The following TTN variants were observed in gnomAD, a reference collection of about 807,000 sequenced individuals.
The protein encoded by TTN is connectin.
A neutral mutation model predicts 3,223.0 loss-of-function variants in TTN; 1,525 were observed. The observed-to-expected ratio is 0.47, with a 90% CI of 0.45 to 0.49. The LOEUF (loss-of-function observed/expected upper bound fraction) is 0.49, where lower values mean the gene tolerates loss of function less well. Among genes scored for constraint, TTN ranks in the 20% least tolerant of loss-of-function variants. The pLI is 0.00. For synonymous variants in TTN, 14,094 were observed against 15,161.0 expected (o/e 0.93, Z 5.17); for missense variants, 40,786 against 43,424.0 (o/e 0.94, Z 5.40).
intron 242 of TTN, among the ~76,000 whole-genome samples, chr2:178,624,041 T>C (rs2058679803): frequency 6.6e-6 from 1 of 151,958 alleles, no homozygotes; most frequent in Non-Finnish European, 1.5e-5. Flanking sequence ...GCTCATTTTC[T>C]AGTTGTTCCC....
chr2:178,678,713 A>G, intron 143 of TTN, 34 bp downstream of exon 143: 2 of 1,587,466 alleles, frequency 1.3e-6, no homozygotes, highest in East Asian at 4.5e-5. Flanking sequence ...GCAAATGTGA[A>G]ATAAAAATAT....
At position 178,550,255 on chromosome 2, in the gene TTN, A is replaced by G; in HGVS notation, c.91583T>C (p.Phe30528Ser). Residue 30528 changes from phenylalanine (F) to serine (S), a missense_variant, in exon 337 of 363, where the codon TTT becomes TCT. Phe to Ser is a radical substitution (Grantham distance 155, BLOSUM62 -2). Transcript: ENST00000589042. ...RDENVPPIVEFGPEYFDGLII... is the reference protein window; with the variant it reads ...RDENVPPIVESGPEYFDGLII... ...GAGACCATCAAAGTATTCAGGGCCA[A>G]ACTCTACTATTGGTGGAACTATAAA... 1.2e-6 allele frequency: 2 copies of G among 1,611,810 alleles called. No homozygotes were observed. Among genetic ancestry groups the G allele is most frequent in the Non-Finnish European group, 1.7e-6 (2 of 1,178,636 alleles).
At chr2:178,730,895 C>T (rs758878470) in intron 60 of TTN, 30 bp downstream of exon 60, 4 of 1,551,950 alleles carry the variant, frequency 2.6e-6, no homozygotes, top group African/African-American at 1.4e-5. Context: ...TGGAAATGCC[C>T]AATCCTCTCT....
chr2:178,702,125 G>T (rs1279194305), intron 108 of TTN, 43 bp downstream of exon 108: 1 of 1,613,312 alleles, frequency 6.2e-7, no homozygotes, highest in Non-Finnish European at 8.5e-7. Context: ...TAGGCTACGT[G>T]TTTCGAAGAT....
At chr2:178,698,309 T>G (rs2074091872) in intron 112 of TTN, among the ~76,000 whole-genome samples, 1 of 152,194 alleles carries the variant, frequency 6.6e-6, no homozygotes, top group Admixed American at 6.5e-5. Flanking sequence ...TGAGATCTGT[T>G]GCACAGAGTG....
At position 178,566,631 on chromosome 2, in the gene TTN, T is replaced by C. The variant is rs1310766903; in HGVS notation, c.79501A>G (p.Lys26501Glu). The C allele has an allele frequency of 6.2e-7, 1 of 1,612,634 alleles. No individual in the cohort carries two copies. The highest frequency in any genetic ancestry group is 8.5e-7 in the Non-Finnish European group (1 of 1,179,682). The change falls in exon 326 of 363, where the codon AAA becomes GAA. Residue 26501 changes from lysine to glutamate, a missense_variant. Coordinates refer to ENST00000589042, the MANE Select transcript of TTN (RefSeq NM_001267550.2). ...CCCCAGGCAAGTGTGATTGAATTTTTAGTGGTGTCTACAATGTGTGCATTG... is the reference window on the plus strand; with the variant it reads ...CCCCAGGCAAGTGTGATTGAATTTTCAGTGGTGTCTACAATGTGTGCATTG... ...PTNAHIVDTT[K>E]NSITLAWGKP...
In TTN at chr2:178,613,080, C is replaced by T. The variant is rs1296561807; in HGVS notation, c.49649-8G>A. The T allele has an allele frequency of 3.7e-6, 6 of 1,612,336 alleles. No individual in the cohort carries two copies. The highest frequency in any genetic ancestry group is 5.1e-6 in the Non-Finnish European group (6 of 1,179,124). On this transcript the variant is annotated splice_region_variant and splice_polypyrimidine_tract_variant and intron_variant, in intron 264 of 362. Transcript: ENST00000589042. Reference sequence around the variant, plus strand: ...CAGGGGGCCATGGAGGATCTGCAAGCCAATGAAATCATTGTTTAGGTTTGT... The same window carrying T: ...CAGGGGGCCATGGAGGATCTGCAAGTCAATGAAATCATTGTTTAGGTTTGT...
At position 178,712,425 on chromosome 2, in the gene TTN, G is replaced by T; in HGVS notation, c.27497C>A (p.Ser9166Ter). Residue 9166 changes from serine (S) to a stop codon, truncating the protein, a stop_gained, in exon 95 of 363, where the codon TCG becomes TAG. Coordinates refer to ENST00000589042, the MANE Select transcript of TTN (RefSeq NM_001267550.2). LOFTEE classifies it high-confidence loss of function. Reference sequence around the variant, plus strand: ...GCTACTTGGAATTTCCAGGATTGCCGATTTTTCAGTCGTAGTTATATTACA... The same window carrying T: ...GCTACTTGGAATTTCCAGGATTGCCTATTTTTCAGTCGTAGTTATATTACA... ...QRCNITTTEKSAILEIPSSTV... is the reference protein window; with the variant it reads ...QRCNITTTEK 2.5e-6 allele frequency: 4 copies of T among 1,613,772 alleles called. No individual in the cohort carries two copies. The highest frequency in any genetic ancestry group is 3.4e-6 in the Non-Finnish European group (4 of 1,179,800).
rs1275501158 is a variant in TTN, at chr2:178,585,064, T to C, written c.64672+8A>G. ...TTTAGATGGCCATTTGTCTAATACT[T>C]AACTTACCCATGACTACAACTTTGA... On this transcript the variant is annotated splice_region_variant and intron_variant, in intron 309 of 362. Coordinates refer to ENST00000589042, the MANE Select transcript of TTN (RefSeq NM_001267550.2). The C allele has an allele frequency of 5.0e-6, 8 of 1,605,314 alleles. No homozygotes were observed. The highest frequency in any genetic ancestry group is 6.8e-6 in the Non-Finnish European group (8 of 1,176,260).
At position 178,618,260 on chromosome 2, in the gene TTN, C is replaced by G. The variant is rs190180127; in HGVS notation, c.47198G>C (p.Ser15733Thr). 1 of 1,612,826 alleles carries G rather than the reference C, an allele frequency of 6.2e-7. No homozygotes were observed. Among genetic ancestry groups the G allele is most frequent in the Non-Finnish European group, 8.5e-7 (1 of 1,179,190 alleles). ...ACCAGTGCCAACTCTGTTTCTTGCACTCACACGGAATAGGTACTCAACTCC... is the reference window on the plus strand; with the variant it reads ...ACCAGTGCCAACTCTGTTTCTTGCAGTCACACGGAATAGGTACTCAACTCC... Reference protein sequence around the residue: ...KGGVEYLFRVSARNRVGTGEP... With the variant: ...KGGVEYLFRVTARNRVGTGEP... The change falls in exon 252 of 363, where the codon AGT (serine) becomes ACT (threonine). Residue 15733 changes from serine (S) to threonine (T), a missense_variant. Ser to Thr is a moderately conservative substitution (Grantham distance 58). Transcript: ENST00000589042.
chr2:178,800,574 A>ACCACAGGTGTAGGGATT lies in TTN; in HGVS notation c.387_403dup (p.Val135GlufsTer7). 1.9e-6 allele frequency: 3 copies of ACCACAGGTGTAGGGATT among 1,614,108 alleles called. No homozygotes were observed. The highest frequency in any genetic ancestry group is 2.5e-6 in the Non-Finnish European group (3 of 1,180,014). On this transcript the variant is annotated frameshift_variant, in exon 4 of 363. Transcript: ENST00000589042. LOFTEE classifies it high-confidence loss of function. ...TTCGGCTCCATCCCGGTAGAACTTC[A>ACCACAGGTGTAGGGATT]CCACAGGTGTAGGGATTCCAGTCAC...
chr2:178,804,574 T>G lies in TTN; in HGVS notation c.69A>C (p.Ala23=). The G allele has an allele frequency of 6.2e-7, 1 of 1,613,974 alleles. No homozygotes were observed. The highest frequency in any genetic ancestry group is 2.2e-5 in the East Asian group (1 of 44,858). ...QSVVVLEGST[A]TFEAHISGFP... ...TACCACTAATGTGAGCCTCAAAGGT[T>G]GCGGTACTACCCTCCAGTACCACAA... The change falls in exon 2 of 363, where the codon GCA becomes GCC. Residue 23 remains alanine (A), a synonymous_variant. Coordinates refer to ENST00000589042, the MANE Select transcript of TTN (RefSeq NM_001267550.2).
chr2:178,739,366 C>T lies in TTN; in HGVS notation c.13867G>A (p.Val4623Ile). Reference protein sequence around the residue: ...VDTVSEEGDIVHLTTSITNAK... With the variant: ...VDTVSEEGDIIHLTTSITNAK... ...TTTGTTATGGATGTTGTGAGGTGTA[C>T]AATATCACCTTCCTCAGAAACAGTG... Residue 4623 changes from valine (V) to isoleucine (I), a missense_variant, in exon 48 of 363, where the codon GTA (valine) becomes ATA (isoleucine). Transcript: ENST00000589042. 6.2e-7 allele frequency: 1 copy of T among 1,613,838 alleles called. No individual in the cohort carries two copies. The highest frequency in any genetic ancestry group is 2.2e-5 in the East Asian group (1 of 44,852).
rs184643087 is a variant in TTN, at chr2:178,562,833, G to T, written c.83299C>A (p.Pro27767Thr). The change falls in exon 326 of 363, where the codon CCA becomes ACA. Residue 27767 changes from proline to threonine, a missense_variant. Coordinates refer to ENST00000589042, the MANE Select transcript of TTN (RefSeq NM_001267550.2). ...ATGGTCAAATTCACAGGGGCACTTG[G>T]TGAGTCAAGAACTCTGACGTTAACA... The part of the protein sequence containing the change: ...AFVNVRVLDS[P>T]SAPVNLTIRE... 1.3e-4 allele frequency: 212 copies of T among 1,613,002 alleles called. No homozygotes were observed. The African/African-American group carries it at 2.5e-3, about 19-fold the overall frequency.
intron 156 of TTN, 64 bp from the exon 157 acceptor site, chr2:178,670,359 A>G: frequency 1.0e-6 from 1 of 961,770 alleles, no homozygotes; most frequent in Non-Finnish European, 1.4e-6. Context: ...CAAGCAGAGC[A>G]TGAGAGATAT....
chr2:178,698,705 A>C, intron 112 of TTN, 138 bp downstream of exon 112: 3 of 771,438 alleles, frequency 3.9e-6, no homozygotes, highest in Non-Finnish European at 6.1e-6. Context: ...GTCAAAGACG[A>C]GGGCGAAAGT....
intron 64 of TTN, 21 bp downstream of exon 64, chr2:178,729,267 G>A (rs1365558747): frequency 6.4e-7 from 1 of 1,569,558 alleles, no homozygotes; most frequent in Non-Finnish European, 8.6e-7. Context: ...TATTTGATAG[G>A]CTGCTTCTTG....
Position 178,605,248 on chromosome 2 carries a change from T to G in TTN, c.53929A>C (p.Lys17977Gln). 6.2e-7 allele frequency: 1 copy of G among 1,607,758 alleles called. No individual in the cohort carries two copies. Among genetic ancestry groups the G allele is most frequent in the Non-Finnish European group, 8.5e-7 (1 of 1,176,976 alleles). ...TGGACAGGCTCTCCTGCCTTAACTT[T>G]GATAGTGTCTCCTCGAACACTCAGA... ...LRLSVRGDTI[K>Q]VKAGEPVHIP... Residue 17977 changes from lysine to glutamine, a missense_variant, in exon 280 of 363, where the codon AAA (lysine) becomes CAA (glutamine). Physicochemically the swap from Lys to Gln is moderately conservative, Grantham distance 53. Coordinates refer to ENST00000589042, the MANE Select transcript of TTN (RefSeq NM_001267550.2).
At chr2:178,736,480 G>A (rs1399454818) in intron 49 of TTN, among the ~76,000 whole-genome samples, 1 of 152,168 alleles carries the variant, frequency 6.6e-6, no homozygotes. Context: ...TAAGTGATAA[G>A]AAGATTGAAG....
Sources: allele counts gnomAD v4.1 joint callset (sites outside exome capture counted in the v4.1 genomes callset), GRCh38; gene constraint gnomAD v4.1.1; transcripts MANE v1.5; gene names NCBI Gene and HGNC (gene_info 2026-07-23, HGNC 2026-07-21).